The following TRPM6 variants were observed in gnomAD, a reference collection of about 807,000 sequenced individuals.
TRPM6 encodes the protein transient receptor potential cation channel subfamily M member 6, also known as channel kinase 2.
Under a neutral mutation model 247.6 loss-of-function variants are expected in TRPM6, and 111 were observed. The observed-to-expected ratio is 0.45, with a 90% CI of 0.38 to 0.52. TRPM6 has a LOEUF of 0.52. TRPM6 is among the 20% of genes least tolerant of loss of function. The probability of loss-of-function intolerance (pLI) is 0.00; values close to 1 mark genes in which losing one functional copy is unlikely to be tolerated. For synonymous variants in TRPM6, 892 were observed against 853.8 expected (o/e 1.04, Z -0.78); for missense variants, 2,126 against 2,421.5 (o/e 0.88, Z 2.56).
chr9:74,810,854 A>T lies in TRPM6; in HGVS notation c.1458T>A (p.Thr486=). The T allele has an allele frequency of 6.2e-7, 1 of 1,613,732 alleles. No individual in the cohort carries two copies. Among genetic ancestry groups the T allele is most frequent in the Non-Finnish European group, 8.5e-7 (1 of 1,179,732 alleles). Residue 486 remains threonine, a synonymous_variant, in exon 13 of 39, where the codon ACT becomes ACA. Transcript: ENST00000360774. The part of the protein sequence containing the change: ...EELYNTKQGP[T]NTLLHHLVQD... The stretch of plus-strand genomic sequence containing the variant: ...GGACGAGATGATGCAAGAGTGTATT[A>T]GTAGGTCCTTGTTTCTGAAATAAAG...
intron 37 of TRPM6, among the ~76,000 whole-genome samples, chr9:74,730,200 A>T (rs1254224987): frequency 6.6e-6 from 1 of 152,228 alleles, no homozygotes; most frequent in Non-Finnish European, 1.5e-5. Context: ...AGGAAACGCT[A>T]ATTAGTGCCA....
In TRPM6 at chr9:74,803,885, T is replaced by C. The variant is rs1182168423; in HGVS notation, c.1640A>G (p.His547Arg). 1.9e-6 allele frequency: 3 copies of C among 1,608,926 alleles called. No homozygotes were observed. ...LYNNLYRKYK[H>R]QRHSSGNRNE... ...TCTATTTCCTGAGGAGTGTCTCTGG[T>C]GCTGGGAAAGGTTTTGAACAAAGCT... Residue 547 changes from histidine (H) to arginine (R), a missense_variant and splice_region_variant, in exon 15 of 39, where the codon CAC becomes CGC. His to Arg is a conservative substitution (Grantham distance 29, BLOSUM62 0). Coordinates refer to ENST00000360774, the MANE Select transcript of TRPM6 (RefSeq NM_017662.5).
intron 11 of TRPM6, among the ~76,000 whole-genome samples, chr9:74,813,649 T>G (rs951869999): frequency 6.6e-6 from 1 of 152,104 alleles, no homozygotes; most frequent in Non-Finnish European, 1.5e-5. Context: ...AACTACAGGC[T>G]CGGAATTTCC....
At chr9:74,751,433 C>T (rs1016566479) in intron 29 of TRPM6, among the ~76,000 whole-genome samples, 5 of 152,104 alleles carry the variant, frequency 3.3e-5, no homozygotes, top group Admixed American at 1.3e-4. Context: ...TCCCTGCTTC[C>T]AATTACCCTC....
intron 1 of TRPM6, among the ~76,000 whole-genome samples, chr9:74,867,073 C>A (rs566305822): frequency 2.0e-5 from 3 of 152,136 alleles, no homozygotes; most frequent in African/African-American, 7.2e-5. Context: ...TGGCTAAATT[C>A]TCATGTTTGC....
intron 1 of TRPM6, among the ~76,000 whole-genome samples, chr9:74,884,062 T>A (rs977028163): frequency 1.3e-5 from 2 of 152,146 alleles, no homozygotes; most frequent in Non-Finnish European, 2.9e-5. Context: ...GGCAGGAGAA[T>A]CGCTTGAACC....
chr9:74,724,266 T>C lies in TRPM6; in HGVS notation c.*347A>G. 1 of 348,914 alleles carries C rather than the reference T, an allele frequency of 2.9e-6. No homozygotes were observed. The highest frequency in any genetic ancestry group is 2.9e-5 in the South Asian group (1 of 34,948). 21.6% of individuals were successfully genotyped at this position (348,914 alleles called of 1,614,324 possible). A position where few individuals can be genotyped will look rare whatever the true frequency, so the allele number is the denominator to read the frequency against. ...ATACATAGTGAGAAAATAAAATAAA[T>C]GTATCCCCCCCAACCCCATCCTTTA... On this transcript the variant is annotated 3_prime_UTR_variant, in exon 39 of 39. Transcript: ENST00000360774.
At chr9:74,724,791 C>G in intron 38 of TRPM6, 45 bp from the exon 39 acceptor site, 1 of 1,613,154 alleles carries the variant, frequency 6.2e-7, no homozygotes, top group Non-Finnish European at 8.5e-7. Context: ...ACCCCAAGAA[C>G]CTACTGTTCA....
chr9:74,778,939 C>T (rs2118908273), intron 23 of TRPM6, among the ~76,000 whole-genome samples: 1 of 152,278 alleles, frequency 6.6e-6, no homozygotes, highest in East Asian at 1.9e-4. Flanking sequence ...TGGTGACACC[C>T]ACAGCAGGAG....
At chr9:74,839,264 A>G (rs1484088225) in intron 5 of TRPM6, among the ~76,000 whole-genome samples, 4 of 152,164 alleles carry the variant, frequency 2.6e-5, no homozygotes, top group South Asian at 2.1e-4. Context: ...GAGCCTGTAC[A>G]TTTGTATTTT....
At chr9:74,877,693 C>T (rs1172649504) in intron 1 of TRPM6, among the ~76,000 whole-genome samples, 2 of 152,142 alleles carry the variant, frequency 1.3e-5, no homozygotes, top group Non-Finnish European at 2.9e-5. Context: ...ATTGGGGTCA[C>T]CACACATTTA....
intron 23 of TRPM6, among the ~76,000 whole-genome samples, chr9:74,780,440 G>A (rs1827396411): frequency 6.7e-6 from 1 of 150,144 alleles, no homozygotes; most frequent in African/African-American, 2.5e-5. Context: ...GGTGACAAAA[G>A]TGAAACTCCG....
At chr9:74,788,108 T>G (rs1038155700) in intron 20 of TRPM6, among the ~76,000 whole-genome samples, 9 of 152,110 alleles carry the variant, frequency 5.9e-5, no homozygotes, top group African/African-American at 2.2e-4. Context: ...CAGAGAGATT[T>G]CCAGCTTCAA....
intron 11 of TRPM6, among the ~76,000 whole-genome samples, chr9:74,814,653 C>T (rs11144094): frequency 0.054 from 8,229 of 152,074 alleles, 724 homozygotes; most frequent in African/African-American, 0.19. Context: ...AAAAGAAAAG[C>T]TTCATAGAAG....
At chr9:74,793,887 A>C (rs1209270050) in intron 18 of TRPM6, among the ~76,000 whole-genome samples, 1 of 152,206 alleles carries the variant, frequency 6.6e-6, no homozygotes, top group Non-Finnish European at 1.5e-5. Flanking sequence ...AAGGGAATTA[A>C]CTCATGTAGA....
At chr9:74,810,717 T>C in intron 13 of TRPM6, 98 bp downstream of exon 13, 5 of 1,057,652 alleles carry the variant, frequency 4.7e-6, no homozygotes, top group Non-Finnish European at 7.4e-6. Flanking sequence ...AACAAAACAA[T>C]CCAAATCTGC....
At chr9:74,749,346 G>T (rs1826161500) in intron 30 of TRPM6, among the ~76,000 whole-genome samples, 1 of 152,202 alleles carries the variant, frequency 6.6e-6, no homozygotes, top group Non-Finnish European at 1.5e-5. Context: ...ATGAGCACCA[G>T]ATATGTATGT....
intron 25 of TRPM6, among the ~76,000 whole-genome samples, chr9:74,771,119 G>A (rs7026574): frequency 0.035 from 5,372 of 152,202 alleles, 304 homozygotes; most frequent in African/African-American, 0.12. Flanking sequence ...TGCGCTTGCT[G>A]TTCCTTCCGC....
At chr9:74,846,218 G>C (rs969771739) in intron 3 of TRPM6, among the ~76,000 whole-genome samples, 1 of 152,106 alleles carries the variant, frequency 6.6e-6, no homozygotes, top group African/African-American at 2.4e-5. Context: ...GTTTTCTTTA[G>C]ATTTCTTGTC....
Sources: allele counts gnomAD v4.1 joint callset (sites outside exome capture counted in the v4.1 genomes callset), GRCh38; gene constraint gnomAD v4.1.1; transcripts MANE v1.5; gene names NCBI Gene and HGNC (gene_info 2026-07-23, HGNC 2026-07-21).